KCTD8: variants seen among roughly 807,000 people sequenced by gnomAD.
The protein encoded by KCTD8 is BTB/POZ domain-containing protein KCTD8.
Under a neutral mutation model 31.5 loss-of-function variants are expected in KCTD8, and 27 were observed. That is an observed-to-expected ratio of 0.86 (90% CI 0.63 to 1.18). The LOEUF (loss-of-function observed/expected upper bound fraction) is 1.18, where lower values mean the gene tolerates loss of function less well. KCTD8 is among the 50% of genes most tolerant of loss of function. The pLI is 0.00. For synonymous variants in KCTD8, 290 were observed against 280.0 expected, an observed-to-expected ratio of 1.04 and a Z score of -0.36; for missense variants, 658 against 647.7, an observed-to-expected ratio of 1.02 and a Z score of -0.17.
intron 1 of KCTD8, among the ~76,000 whole-genome samples, chr4:44,375,217 G>C (rs543994302): frequency 1.3e-5 from 2 of 152,110 alleles, no homozygotes; most frequent in African/African-American, 4.8e-5. Flanking sequence ...GCCTGCTGAG[G>C]AACAAAAGGT....
chr4:44,360,875 C>T (rs945990039), intron 1 of KCTD8, among the ~76,000 whole-genome samples: 1 of 151,846 alleles, frequency 6.6e-6, no homozygotes. Context: ...TATTTCTTTC[C>T]TCATGGCTTT....
chr4:44,249,263 T>C (rs1169197729), intron 1 of KCTD8, among the ~76,000 whole-genome samples: 1 of 151,860 alleles, frequency 6.6e-6, no homozygotes, highest in African/African-American at 2.4e-5. Flanking sequence ...TATGTTTTCC[T>C]GACTTTCACA....
intron 1 of KCTD8, among the ~76,000 whole-genome samples, chr4:44,333,384 T>C (rs1375456039): frequency 6.6e-6 from 1 of 152,092 alleles, no homozygotes; most frequent in Non-Finnish European, 1.5e-5. Context: ...AATAAAAACC[T>C]GGGCTACTGT....
At chr4:44,180,590 C>CACACAG (rs1713351685) in intron 1 of KCTD8, among the ~76,000 whole-genome samples, 1 of 97,822 alleles carries the variant, frequency 1.0e-5, no homozygotes. Flanking sequence ...CATACATGCA[C>CACACAG]ACACACACAC....
chr4:44,421,716 C>T (rs1157788984), intron 1 of KCTD8, among the ~76,000 whole-genome samples: 1 of 152,040 alleles, frequency 6.6e-6, no homozygotes, highest in African/African-American at 2.4e-5. Context: ...CATGTCACTA[C>T]CTACCTCCTA....
chr4:44,260,947 A>C (rs951169013), intron 1 of KCTD8, among the ~76,000 whole-genome samples: 1 of 151,984 alleles, frequency 6.6e-6, no homozygotes, highest in Admixed American at 6.6e-5. Flanking sequence ...ATGAGCTAGA[A>C]CCTATTGAGT....
chr4:44,387,898 A>G (rs1467887800), intron 1 of KCTD8, among the ~76,000 whole-genome samples: 4 of 151,888 alleles, frequency 2.6e-5, no homozygotes, highest in Non-Finnish European at 4.4e-5. Flanking sequence ...CTGCATGGCA[A>G]AAGAAACTTG....
At chr4:44,182,672 C>A (rs938694827) in intron 1 of KCTD8, among the ~76,000 whole-genome samples, 5 of 152,116 alleles carry the variant, frequency 3.3e-5, no homozygotes, top group Admixed American at 2.0e-4. Context: ...GGGTCCTCTG[C>A]CTAGGAAAAC....
intron 1 of KCTD8, among the ~76,000 whole-genome samples, chr4:44,196,195 G>C (rs1293453108): frequency 2.0e-5 from 3 of 152,154 alleles, no homozygotes; most frequent in Non-Finnish European, 4.4e-5. Flanking sequence ...CATCATTATG[G>C]TGAAAATGAT....
intron 1 of KCTD8, among the ~76,000 whole-genome samples, chr4:44,255,433 T>C (rs1715963578): frequency 6.6e-6 from 1 of 151,948 alleles, no homozygotes; most frequent in African/African-American, 2.4e-5. Flanking sequence ...TATCTAAGCA[T>C]TTAAAAAATT....
chr4:44,178,842 GGTCTTGCAGTGCAAGA>G (rs1713293040), intron 1 of KCTD8, among the ~76,000 whole-genome samples: 1 of 152,094 alleles, frequency 6.6e-6, no homozygotes, highest in South Asian at 2.1e-4. Flanking sequence ...AAAACTAACT[GGTCTTGCAGTGCAAGA>G]TAGAAGATTA....
chr4:44,316,795 GAAAAAAAAAAAAAAAA>G (rs71188270), intron 1 of KCTD8, among the ~76,000 whole-genome samples: 12 of 40,358 alleles, frequency 3.0e-4, no homozygotes, highest in Admixed American at 7.0e-4. Context: ...CTAAAAATAC[GAAAAAAAAAAAAAAAA>G]AAAAAAAAAA....
In KCTD8 at chr4:44,414,517, G is replaced by T. The variant is rs367683337; in HGVS notation, c.961+33046C>A. On this transcript the variant is annotated intron_variant, in intron 1 of 1. Coordinates refer to ENST00000360029, the MANE Select transcript of KCTD8 (RefSeq NM_198353.3). ...AAAGTAGGGAGCCTAGTTCTCCTGAGACCATTTAACAAGATGCACCCTGAC... is the reference window on the plus strand; with the variant it reads ...AAAGTAGGGAGCCTAGTTCTCCTGATACCATTTAACAAGATGCACCCTGAC... Among the ~76,000 whole-genome samples, 26 of 152,196 alleles carry T rather than the reference G, an allele frequency of 1.7e-4. No individual in the cohort carries two copies. The East Asian group carries it at 1.7e-3, about 10-fold the overall frequency.
intron 1 of KCTD8, among the ~76,000 whole-genome samples, chr4:44,320,161 C>G (rs1477901106): frequency 8.6e-6 from 1 of 116,690 alleles, no homozygotes; most frequent in Admixed American, 1.1e-4. Context: ...ACAGAGCAAG[C>G]CTCCATCTCA....
Position 44,428,273 on chromosome 4 carries a change from T to C in KCTD8, c.961+19290A>G, listed in dbSNP as rs542454452. On this transcript the variant is annotated intron_variant, in intron 1 of 1. Transcript: ENST00000360029. ...AAAAGGTTATGTACAGCAAAAAATATGTACCTCAAGACTTATTTTACTTTC... is the reference window on the plus strand; with the variant it reads ...AAAAGGTTATGTACAGCAAAAAATACGTACCTCAAGACTTATTTTACTTTC... Among the ~76,000 whole-genome samples, 112 of 151,868 alleles carry C rather than the reference T, an allele frequency of 7.4e-4. 1 individual carries two copies. The highest frequency in any genetic ancestry group is 6.2e-3 in the South Asian group (30 of 4,820).
At chr4:44,186,981 C>A (rs964572825) in intron 1 of KCTD8, among the ~76,000 whole-genome samples, 29 of 151,792 alleles carry the variant, frequency 1.9e-4, no homozygotes, top group African/African-American at 7.0e-4. Context: ...AAGTGTAACT[C>A]AGCTTGAGGA....
chr4:44,443,026 T>C (rs925763006), intron 1 of KCTD8, among the ~76,000 whole-genome samples: 1 of 152,222 alleles, frequency 6.6e-6, no homozygotes, highest in African/African-American at 2.4e-5. Context: ...ATCGGTGTCA[T>C]AGCACAGCCT....
chr4:44,253,090 T>C (rs1288810258), intron 1 of KCTD8, among the ~76,000 whole-genome samples: 3 of 151,572 alleles, frequency 2.0e-5, no homozygotes, highest in Non-Finnish European at 4.4e-5. Flanking sequence ...ATGTGTTTTG[T>C]TTATTTTTAA....
At chr4:44,400,441 TA>T (rs1334921030) in intron 1 of KCTD8, among the ~76,000 whole-genome samples, 1 of 151,282 alleles carries the variant, frequency 6.6e-6, no homozygotes, top group African/African-American at 2.4e-5. Context: ...TAAATAGACA[TA>T]AAAACCAGCC....
Sources: allele counts gnomAD v4.1 joint callset (sites outside exome capture counted in the v4.1 genomes callset), GRCh38; gene constraint gnomAD v4.1.1; transcripts MANE v1.5; gene names NCBI Gene and HGNC (gene_info 2026-07-23, HGNC 2026-07-21).